The following SPAG16 variants were observed in gnomAD, a reference collection of about 807,000 sequenced individuals.
The protein encoded by SPAG16 is sperm-associated antigen 16 protein.
A neutral mutation model predicts 80.4 loss-of-function variants in SPAG16; 86 were observed. The observed-to-expected ratio is 1.07, with a 90% CI of 0.90 to 1.28. The LOEUF (loss-of-function observed/expected upper bound fraction) is 1.28. Among genes scored for constraint, SPAG16 ranks in the 50% most tolerant of loss-of-function variants. SPAG16 has a pLI of 0.00. For synonymous variants in SPAG16, 294 were observed against 265.9 expected (o/e 1.11, Z -1.03); for missense variants, 870 against 765.3 (o/e 1.14, Z -1.61).
intron 10 of SPAG16, among the ~76,000 whole-genome samples, chr2:213,843,575 G>T (rs922851969): frequency 1.3e-5 from 2 of 152,098 alleles, no homozygotes; most frequent in Non-Finnish European, 2.9e-5. Context: ...TCTAGGCCGG[G>T]CGAGGTGGCT....
chr2:213,914,139 C>G (rs1451772610), intron 11 of SPAG16, among the ~76,000 whole-genome samples: 35 of 151,926 alleles, frequency 2.3e-4, no homozygotes, highest in Non-Finnish European at 2.9e-5. Context: ...ATTAAGTACC[C>G]TAAAGAGATT....
At chr2:214,164,585 A>C (rs1022978499) in intron 15 of SPAG16, among the ~76,000 whole-genome samples, 1 of 152,170 alleles carries the variant, frequency 6.6e-6, no homozygotes, top group Non-Finnish European at 1.5e-5. Flanking sequence ...TGTGGCACCA[A>C]CGCTGGTCTT....
At chr2:213,458,574 AAAAT>A (rs1208722238) in intron 9 of SPAG16, among the ~76,000 whole-genome samples, 2 of 152,222 alleles carry the variant, frequency 1.3e-5, no homozygotes, top group African/African-American at 2.4e-5. Context: ...TCAGTCTAAA[AAAAT>A]AAATAAATAA....
chr2:213,588,064 G>T (rs2060531012), intron 10 of SPAG16, among the ~76,000 whole-genome samples: 1 of 151,972 alleles, frequency 6.6e-6, no homozygotes, highest in Non-Finnish European at 1.5e-5. Context: ...TTTCATAATG[G>T]TTTGTTATTC....
intron 5 of SPAG16, among the ~76,000 whole-genome samples, chr2:213,335,651 T>C (rs1199681366): frequency 1.3e-5 from 2 of 152,098 alleles, no homozygotes; most frequent in South Asian, 2.1e-4. Flanking sequence ...TAATCATTCA[T>C]ATATTCCTCA....
intron 15 of SPAG16, among the ~76,000 whole-genome samples, chr2:214,367,086 G>A (rs1699525413): frequency 6.6e-6 from 1 of 152,126 alleles, no homozygotes; most frequent in African/African-American, 2.4e-5. Context: ...TGGGGGACAG[G>A]ATTGGAAAGT....
chr2:214,301,529 T>A (rs1694553884), intron 15 of SPAG16, among the ~76,000 whole-genome samples: 1 of 152,124 alleles, frequency 6.6e-6, no homozygotes, highest in Admixed American at 6.5e-5. Flanking sequence ...AATCATTTCC[T>A]GGAATTTATC....
At chr2:214,090,348 C>T (rs988298006) in intron 13 of SPAG16, among the ~76,000 whole-genome samples, 8 of 151,952 alleles carry the variant, frequency 5.3e-5, no homozygotes, top group Admixed American at 6.6e-5. Context: ...TCAATTTCTT[C>T]GCAAACTCTG....
intron 15 of SPAG16, among the ~76,000 whole-genome samples, chr2:214,186,031 A>G (rs979132649): frequency 5.1e-5 from 3 of 58,278 alleles, no homozygotes; most frequent in African/African-American, 2.3e-4. Flanking sequence ...CCAGCACTGT[A>G]CCAGGCATAA....
Position 213,371,541 on chromosome 2 carries a change from CCTCT to C in SPAG16, c.833-3461_833-3458del, listed in dbSNP as rs530621352. Among the ~76,000 whole-genome samples, 192 of 151,966 alleles carry C rather than the reference CCTCT, an allele frequency of 1.3e-3. 2 individuals carry two copies. Among genetic ancestry groups the C allele is most frequent in the Non-Finnish European group, 2.3e-3 (153 of 67,966 alleles). On this transcript the variant is annotated intron_variant, in intron 8 of 15. Coordinates refer to ENST00000331683, the MANE Select transcript of SPAG16 (RefSeq NM_024532.5). ...TTAAGTTTAGTTTTAAAAATACTTC[CCTCT>C]CTCTCTCATTTACCCATTCATCCAC...
At chr2:214,339,130 T>A (rs1697496085) in intron 15 of SPAG16, among the ~76,000 whole-genome samples, 1 of 152,186 alleles carries the variant, frequency 6.6e-6, no homozygotes, top group African/African-American at 2.4e-5. Context: ...AGAGTTAGAT[T>A]TAAGTAAGGT....
At chr2:213,424,952 T>C (rs867307079) in intron 9 of SPAG16, among the ~76,000 whole-genome samples, 1 of 152,186 alleles carries the variant, frequency 6.6e-6, no homozygotes, top group South Asian at 2.1e-4. Context: ...GCAAGATTTG[T>C]TGTATTCACT....
intron 5 of SPAG16, among the ~76,000 whole-genome samples, chr2:213,337,753 A>G (rs770723075): frequency 4.6e-5 from 7 of 152,188 alleles, no homozygotes; most frequent in Non-Finnish European, 1.0e-4. Context: ...GACTGATAGG[A>G]GTATCTGAAA....
intron 12 of SPAG16, among the ~76,000 whole-genome samples, chr2:213,974,889 A>G (rs1306337447): frequency 6.6e-6 from 1 of 151,296 alleles, no homozygotes; most frequent in Non-Finnish European, 1.5e-5. Flanking sequence ...TAACTGTCAC[A>G]TAGCACTTTC....
intron 10 of SPAG16, among the ~76,000 whole-genome samples, chr2:213,695,814 GGGAGATGAGATTAGAAGGTCAATCA>G (rs2065131901): frequency 6.6e-6 from 1 of 152,158 alleles, no homozygotes; most frequent in Non-Finnish European, 1.5e-5. Context: ...GGGTAATAGT[GGGAGATGAGATTAGAAGGTCAATCA>G]GGAGCTTAAT....
At chr2:213,343,317 T>G (rs1265723675) in intron 6 of SPAG16, among the ~76,000 whole-genome samples, 2 of 152,156 alleles carry the variant, frequency 1.3e-5, no homozygotes. Flanking sequence ...AAGTGTTGCT[T>G]TAGAATTTTT....
intron 12 of SPAG16, among the ~76,000 whole-genome samples, chr2:213,991,644 T>C (rs2046288720): frequency 6.6e-6 from 1 of 152,120 alleles, no homozygotes; most frequent in African/African-American, 2.4e-5. Context: ...GAGGCAATCA[T>C]GAGTCATGTA....
intron 9 of SPAG16, among the ~76,000 whole-genome samples, chr2:213,434,747 AATG>A (rs2070522410): frequency 6.6e-6 from 1 of 152,258 alleles, no homozygotes; most frequent in Non-Finnish European, 1.5e-5. Flanking sequence ...TTAAAACCAC[AATG>A]ATATGTCATC....
chr2:214,233,365 G>GATC (rs1688843164), intron 15 of SPAG16, among the ~76,000 whole-genome samples: 1 of 151,774 alleles, frequency 6.6e-6, no homozygotes, highest in Non-Finnish European at 1.5e-5. Flanking sequence ...TGATGATGAT[G>GATC]ATGATGATGA....
Sources: allele counts gnomAD v4.1 joint callset (sites outside exome capture counted in the v4.1 genomes callset), GRCh38; gene constraint gnomAD v4.1.1; transcripts MANE v1.5; gene names NCBI Gene and HGNC (gene_info 2026-07-23, HGNC 2026-07-21).